The following SLC26A6 variants were observed in gnomAD, a reference collection of about 807,000 sequenced individuals.
The protein encoded by SLC26A6 is solute carrier family 26 member 6.
In SLC26A6, 67 loss-of-function variants were observed where a neutral mutation model predicts 87.1. That is an observed-to-expected ratio of 0.77 (90% CI 0.63 to 0.94). SLC26A6 has a LOEUF of 0.94. Ranked by LOEUF, SLC26A6 falls within the 40% of genes least tolerant of loss-of-function variation. The pLI, the probability that SLC26A6 is intolerant of heterozygous loss-of-function variation, is 0.00. For synonymous variants in SLC26A6, 414 were observed against 405.9 expected (o/e 1.02, Z -0.24); for missense variants, 902 against 973.0 (o/e 0.93, Z 0.97).
At chr3:48,629,749 A>T in intron 13 of SLC26A6, 38 bp from the exon 14 acceptor site, 1 of 1,611,010 alleles carries the variant, frequency 6.2e-7, no homozygotes, top group Non-Finnish European at 8.5e-7. Flanking sequence ...GAGGGGGCAG[A>T]AAAAGGGGAT....
Position 48,631,965 on chromosome 3 carries a change from G to A in SLC26A6, c.665C>T (p.Ala222Val). Reference protein sequence around the residue: ...EPLVRGYTTAAAVQVFVSQLK... With the variant: ...EPLVRGYTTAVAVQVFVSQLK... ...CTGTGAGACGAAGACCTGCACAGCT[G>A]CAGCTGTGGTATAGCCTCGGACAAG... Residue 222 changes from alanine (A) to valine (V), a missense_variant, in exon 6 of 21, where the codon GCA becomes GTA. By Grantham distance (64) the Ala-to-Val change is moderately conservative. Coordinates refer to ENST00000395550, the MANE Select transcript of SLC26A6 (RefSeq NM_022911.3). The A allele has an allele frequency of 6.2e-7, 1 of 1,613,574 alleles. No individual in the cohort carries two copies. Among genetic ancestry groups the A allele is most frequent in the South Asian group, 1.1e-5 (1 of 91,076 alleles).
In SLC26A6 at chr3:48,628,463, G is replaced by C; in HGVS notation, c.1771C>G (p.Leu591Val). 6.2e-7 allele frequency: 1 copy of C among 1,614,118 alleles called. No individual in the cohort carries two copies. Among genetic ancestry groups the C allele is most frequent in the Non-Finnish European group, 8.5e-7 (1 of 1,179,996 alleles). ...KKQEQLKLKQ[L>V]QKEEKLRKQA... ...TTCCGAAGCTTCTCCTCTTTCTGCA[G>C]TTGCTTCAGCTTCAGCTGCTCCTGC... Residue 591 changes from leucine to valine, a missense_variant, in exon 16 of 21, where the codon CTG becomes GTG. Physicochemically the swap from Leu to Val is conservative, Grantham distance 32. This residue lies in a region of SLC26A6 where 800 missense variants were observed against 856.8 expected (regional missense o/e 0.93). Transcript: ENST00000395550. The surrounding 1 kb of genome is among the most constrained non-coding windows in gnomAD (Gnocchi z 4.4).
In SLC26A6 at chr3:48,630,116, C is replaced by T. The variant is rs371519389; in HGVS notation, c.1368G>A (p.Met456Ile). The T allele has an allele frequency of 5.6e-6, 9 of 1,611,418 alleles. No individual in the cohort carries two copies. Among genetic ancestry groups the T allele is most frequent in the Admixed American group, 3.3e-5 (2 of 59,970 alleles). Reference sequence around the variant, plus strand: ...AGCGCATGTCGCTGAGCTGCCTCAGCATGCCCTTCAGGTTCACAATGATGA... The same window carrying T: ...AGCGCATGTCGCTGAGCTGCCTCAGTATGCCCTTCAGGTTCACAATGATGA... ...AAIIIVNLKG[M>I]LRQLSDMRSL... Residue 456 changes from methionine (M) to isoleucine (I), a missense_variant, in exon 12 of 21, where the codon ATG becomes ATA. By Grantham distance (10) the Met-to-Ile change is conservative. Transcript: ENST00000395550.
rs2046604330 is a variant in SLC26A6 at position 48,625,818 on chromosome 3, C to T, written c.*168G>A. ...AGCCTGACTGCATGCAGGCCCTGTC[C>T]CAGACCTGGAGCGCTGAACTTGGAG... is the stretch of plus-strand genomic sequence containing the variant. On this transcript the variant is annotated 3_prime_UTR_variant, in exon 21 of 21. Coordinates refer to ENST00000395550, the MANE Select transcript of SLC26A6 (RefSeq NM_022911.3). This position sits in a 1 kb window ranked among gnomAD's most constrained non-coding sequence, Gnocchi z 4.7. 1 of 806,752 alleles carries T rather than the reference C, an allele frequency of 1.2e-6. No homozygotes were observed. Among genetic ancestry groups the T allele is most frequent in the South Asian group, 1.7e-5 (1 of 58,758 alleles). 50.0% of individuals were successfully genotyped at this position (806,752 alleles called of 1,614,324 possible). A position where few individuals can be genotyped will look rare whatever the true frequency, so the allele number is the denominator to read the frequency against.
chr3:48,632,450 G>A, intron 4 of SLC26A6, 54 bp from the exon 5 acceptor site: 6 of 1,576,890 alleles, frequency 3.8e-6, no homozygotes, highest in African/African-American at 1.4e-5. Context: ...GCCCTGCCCT[G>A]GAGCCCTGGT....
At chr3:48,626,718 AGGCTCAGGGACTCAGAGGGG>A (rs1559463805) in intron 18 of SLC26A6, 33 bp from the exon 19 acceptor site, 1 of 1,613,580 alleles carries the variant, frequency 6.2e-7, no homozygotes, top group Admixed American at 1.7e-5. Flanking sequence ...CCTCAGAGGG[AGGCTCAGGGACTCAGAGGGG>A]GGCTCGGGCA....
rs748302737 is a variant in SLC26A6, at chr3:48,626,642, G to A, written c.2117C>T (p.Ala706Val). 8 of 1,614,088 alleles carry A rather than the reference G, an allele frequency of 5.0e-6. No individual in the cohort carries two copies. Among genetic ancestry groups the A allele is most frequent in the Admixed American group, 1.7e-5 (1 of 60,010 alleles). Residue 706 changes from alanine to valine, a missense_variant, in exon 19 of 21, where the codon GCG becomes GTG. Around this residue, in one of 3 missense-constraint regions of SLC26A6, gnomAD observed 99 missense variants for 100.1 expected, o/e 0.99. Coordinates refer to ENST00000395550, the MANE Select transcript of SLC26A6 (RefSeq NM_022911.3). ...FREIEVEVYMAACHSPVVSQL... is the reference protein window; with the variant it reads ...FREIEVEVYMVACHSPVVSQL... ...CCCACCCTACTCACTGTGGCAGGCC[G>A]CCATGTACACCTCCACCTCAATCTC... is the stretch of plus-strand genomic sequence containing the variant.
Position 48,628,919 on chromosome 3 carries a change from A to C in SLC26A6, c.1600-205T>G, listed in dbSNP as rs1575525431. Among the ~76,000 whole-genome samples, 1 of 148,426 alleles carries C rather than the reference A, an allele frequency of 6.7e-6. No homozygotes were observed. Among genetic ancestry groups the C allele is most frequent in the African/African-American group, 2.5e-5 (1 of 39,958 alleles). On this transcript the variant is annotated intron_variant, in intron 14 of 20. Transcript: ENST00000395550. The surrounding 1 kb of genome is among the most constrained non-coding windows in gnomAD (Gnocchi z 4.4). ...CCCCCCACAGTGCCTCTCCCTCCCC[A>C]CCTCTCCTGCCACCACCCAGGCAGG...
Position 48,632,227 on chromosome 3 carries a change from C to CT in SLC26A6, c.585+17dup. ...CAGAAGTGGTGGTGGGGGGCACATA[C>CT]TCCTGACTGTTCCACACCTGGAAGA... On this transcript the variant is annotated intron_variant, in intron 5 of 20. Coordinates refer to ENST00000395550, the MANE Select transcript of SLC26A6 (RefSeq NM_022911.3). 1 of 1,582,752 alleles carries CT rather than the reference C, an allele frequency of 6.3e-7. No homozygotes were observed. The highest frequency in any genetic ancestry group is 8.6e-7 in the Non-Finnish European group (1 of 1,163,726).
chr3:48,632,117 G>A (rs1440692601), intron 5 of SLC26A6, 73 bp from the exon 6 acceptor site: 1 of 1,596,294 alleles, frequency 6.3e-7, no homozygotes, highest in Admixed American at 1.7e-5. Flanking sequence ...AGGGCAAGTG[G>A]GATGGGAGGG....
intron 9 of SLC26A6, 59 bp downstream of exon 9, chr3:48,630,934 C>T: frequency 1.4e-5 from 23 of 1,596,646 alleles, no homozygotes; most frequent in Admixed American, 8.4e-5. Flanking sequence ...TCCTCCCCCA[C>T]CCGTTGCTGG....
chr3:48,628,980 A>AC lies in SLC26A6; in HGVS notation c.1600-267dup, dbSNP rs1241964097. Among the ~76,000 whole-genome samples the AC allele has an allele frequency of 6.6e-6, 1 of 151,626 alleles. No individual in the cohort carries two copies. The highest frequency in any genetic ancestry group is 1.9e-4 in the East Asian group (1 of 5,176). On this transcript the variant is annotated intron_variant, in intron 14 of 20. Coordinates refer to ENST00000395550, the MANE Select transcript of SLC26A6 (RefSeq NM_022911.3). The surrounding 1 kb of genome is among the most constrained non-coding windows in gnomAD (Gnocchi z 4.4). ...TCTTAACCTTTCTCTTGGGTTTCCA[A>AC]CCCCTGCCTTGTGTTCTGTTTTCTG...
At chr3:48,631,628 T>G (rs1279921072) in intron 7 of SLC26A6, 21 bp downstream of exon 7, 1 of 1,608,710 alleles carries the variant, frequency 6.2e-7, no homozygotes, top group East Asian at 2.2e-5. Context: ...TCCCCTGCCC[T>G]CCACTCCCTG....
chr3:48,631,594 A>G (rs2046793214), intron 7 of SLC26A6, 55 bp downstream of exon 7: 1 of 1,581,994 alleles, frequency 6.3e-7, no homozygotes, highest in African/African-American at 1.3e-5. Flanking sequence ...CCACGTGGCA[A>G]GGACCCAGCC....
At position 48,633,029 on chromosome 3, in the gene SLC26A6, G is replaced by T; in HGVS notation, c.378C>A (p.Ser126=). Residue 126 remains serine, a synonymous_variant, in exon 4 of 21, where the codon TCC becomes TCA. Coordinates refer to ENST00000395550, the MANE Select transcript of SLC26A6 (RefSeq NM_022911.3). The stretch of plus-strand genomic sequence containing the variant: ...GGAAGTAGATGAAGACAGGGTAGAA[G>T]GAGCTATAGAGGCCAAACACGGGGG... ...GLPPVFGLYS[S]FYPVFIYFLF... is the part of the protein sequence containing the mutation. The T allele has an allele frequency of 6.2e-7, 1 of 1,613,730 alleles. No individual in the cohort carries two copies. The highest frequency in any genetic ancestry group is 8.5e-7 in the Non-Finnish European group (1 of 1,179,962).
Position 48,625,944 on chromosome 3 carries a change from C to G in SLC26A6, c.*42G>C. On this transcript the variant is annotated 3_prime_UTR_variant, in exon 21 of 21. Transcript: ENST00000395550. This position sits in a 1 kb window ranked among gnomAD's most constrained non-coding sequence, Gnocchi z 4.7. ...GGGTGAGGGGCTTCTCAAGGGTGCC[C>G]TGCACCTCCAGAGGTGCAGTCTTGG... is the stretch of plus-strand genomic sequence containing the variant. 1.2e-6 allele frequency: 2 copies of G among 1,613,368 alleles called. No homozygotes were observed. Among genetic ancestry groups the G allele is most frequent in the East Asian group, 2.2e-5 (1 of 44,870 alleles).
rs753418877 is a variant in SLC26A6 at position 48,633,562 on chromosome 3, G to A, written c.97C>T (p.Arg33Trp). The A allele has an allele frequency of 7.4e-6, 12 of 1,613,422 alleles. No homozygotes were observed. The highest frequency in any genetic ancestry group is 2.2e-5 in the East Asian group (1 of 44,900). Reference sequence around the variant, plus strand: ...AAATGCTCCTGGTTCAGCAGCGGCCGTTCCATGTGGTAGTCTCGCCTCCGC... The same window carrying A: ...AAATGCTCCTGGTTCAGCAGCGGCCATTCCATGTGGTAGTCTCGCCTCCGC... Reference protein sequence around the residue: ...DLRRRDYHMERPLLNQEHLEE... With the variant: ...DLRRRDYHMEWPLLNQEHLEE... The change falls in exon 2 of 21, where the codon CGG (arginine) becomes TGG (tryptophan). Residue 33 changes from arginine (R) to tryptophan (W), a missense_variant. By Grantham distance (101) the Arg-to-Trp change is moderately radical (BLOSUM62 -3). Around this residue, in one of 3 missense-constraint regions of SLC26A6, gnomAD observed 800 missense variants for 856.8 expected, o/e 0.93. Coordinates refer to ENST00000395550, the MANE Select transcript of SLC26A6 (RefSeq NM_022911.3).
At position 48,630,669 on chromosome 3, in the gene SLC26A6, A is replaced by G; in HGVS notation, c.1186T>C (p.Phe396Leu). 6.2e-7 allele frequency: 1 copy of G among 1,602,668 alleles called. No homozygotes were observed. Among genetic ancestry groups the G allele is most frequent in the Non-Finnish European group, 8.5e-7 (1 of 1,173,908 alleles). Residue 396 changes from phenylalanine (F) to leucine (L), a missense_variant, in exon 10 of 21, where the codon TTC becomes CTC. Coordinates refer to ENST00000395550, the MANE Select transcript of SLC26A6 (RefSeq NM_022911.3). Reference sequence around the variant, plus strand: ...CGAGACATAGAGCAACTCACGGGGAAGCACTGGAAGATGCCTCCGATAAGG... The same window carrying G: ...CGAGACATAGAGCAACTCACGGGGAGGCACTGGAAGATGCCTCCGATAAGG... Reference protein sequence around the residue: ...SNLIGGIFQCFPVSCSMSRSL... With the variant: ...SNLIGGIFQCLPVSCSMSRSL...
chr3:48,629,507 C>A, intron 14 of SLC26A6, 135 bp downstream of exon 14: 1 of 932,636 alleles, frequency 1.1e-6, no homozygotes, highest in Non-Finnish European at 1.6e-6. Flanking sequence ...TAAACTCCTC[C>A]CTTGAAATCC....
Sources: gnomAD v4.1 joint callset for allele counts (sites outside exome capture counted in the v4.1 genomes callset) on GRCh38, gnomAD v4.1.1 for gene constraint, gnomAD v4.1.1 regional missense constraint, Gnocchi (gnomAD v3.1) non-coding constraint, MANE v1.5 for transcripts, NCBI Gene and HGNC (gene_info 2026-07-23, HGNC 2026-07-21) for gene names.